The following MROH9 variants were observed in gnomAD, a reference collection of about 807,000 sequenced individuals.
MROH9 encodes maestro heat like repeat family member 9, also known as maestro heat-like repeat-containing protein family member 9.
In MROH9, 92 loss-of-function variants were observed where a neutral mutation model predicts 98.2. The ratio of observed to expected loss-of-function variants is 0.94; its 90% CI spans 0.79 to 1.11. The LOEUF (loss-of-function observed/expected upper bound fraction) is 1.11, where lower values mean the gene tolerates loss of function less well. Among genes scored for constraint, MROH9 ranks in the 50% most tolerant of loss-of-function variants. MROH9 has a pLI of 0.00. For missense variants in MROH9, 1,057 were observed against 1,014.8 expected (o/e 1.04, Z -0.57); for synonymous variants, 397 against 368.9 (o/e 1.08, Z -0.87).
Position 170,998,285 on chromosome 1 carries a change from T to G in MROH9, c.1596+11T>G. 6.2e-7 allele frequency: 1 copy of G among 1,613,496 alleles called. No individual in the cohort carries two copies. Among genetic ancestry groups the G allele is most frequent in the Non-Finnish European group, 8.5e-7 (1 of 1,179,668 alleles). On this transcript the variant is annotated intron_variant, in intron 15 of 21. Transcript: ENST00000367759. The stretch of plus-strand genomic sequence containing the variant: ...ATATTCCTCACTGAAGTGAGTTTTG[T>G]AGACTGTGAACAGCTGTGTTCTCAT...
chr1:171,051,425 C>T (rs1653660434), intron 20 of MROH9, among the ~76,000 whole-genome samples: 1 of 151,996 alleles, frequency 6.6e-6, no homozygotes, highest in African/African-American at 2.4e-5. Flanking sequence ...GGAATGAGAT[C>T]ATGTCCTTTG....
chr1:170,976,309 C>A (rs1182716066), intron 8 of MROH9, among the ~76,000 whole-genome samples: 1 of 152,100 alleles, frequency 6.6e-6, no homozygotes, highest in Non-Finnish European at 1.5e-5. Context: ...ATATTTAGTG[C>A]CCTTTTCAGG....
At chr1:171,000,227 C>G (rs28772894) in intron 15 of MROH9, among the ~76,000 whole-genome samples, 21,182 of 151,968 alleles carry the variant, frequency 0.14, 1,649 homozygotes, top group African/African-American at 0.21. Flanking sequence ...GTTGCATTTG[C>G]TTTTGGGTTC....
intron 17 of MROH9, among the ~76,000 whole-genome samples, chr1:171,022,801 A>G (rs921290097): frequency 6.6e-6 from 1 of 152,164 alleles, no homozygotes; most frequent in African/African-American, 2.4e-5. Flanking sequence ...TTGAACACTT[A>G]ATATATACCA....
At chr1:170,990,533 G>C (rs1651318677) in intron 11 of MROH9, among the ~76,000 whole-genome samples, 1 of 152,072 alleles carries the variant, frequency 6.6e-6, no homozygotes, top group Non-Finnish European at 1.5e-5. Context: ...ATACAAACGC[G>C]AGTCTATGGG....
At chr1:171,011,476 A>T (rs1210951345) in intron 15 of MROH9, among the ~76,000 whole-genome samples, 1 of 152,194 alleles carries the variant, frequency 6.6e-6, no homozygotes, top group Admixed American at 6.5e-5. Context: ...TATTTCAATG[A>T]TCTAGTTTTC....
intron 16 of MROH9, chr1:171,015,139 T>C (rs1469029696): frequency 4.4e-6 from 2 of 453,030 alleles, no homozygotes; most frequent in Non-Finnish European, 9.1e-6. Context: ...TCGTTGTTTA[T>C]CTAATGAGCA....
chr1:170,972,008 T>C (rs956779825), intron 8 of MROH9, 125 bp downstream of exon 8: 24 of 1,039,494 alleles, frequency 2.3e-5, no homozygotes, highest in Non-Finnish European at 3.3e-5. Flanking sequence ...GTCATGGCTA[T>C]ACTTTCTAAA....
chr1:170,972,326 A>T (rs967948316), intron 8 of MROH9, among the ~76,000 whole-genome samples: 1 of 152,242 alleles, frequency 6.6e-6, no homozygotes, highest in Non-Finnish European at 1.5e-5. Flanking sequence ...GCATAAAAGC[A>T]AGACCTGAAA....
intron 8 of MROH9, among the ~76,000 whole-genome samples, chr1:170,973,354 T>A (rs968920703): frequency 6.6e-6 from 1 of 152,072 alleles, no homozygotes. Context: ...AATTCACAAG[T>A]ACCGAGGTAC....
intron 7 of MROH9, among the ~76,000 whole-genome samples, chr1:170,967,644 C>A (rs1490189429): frequency 1.3e-5 from 2 of 152,080 alleles, no homozygotes; most frequent in Non-Finnish European, 2.9e-5. Context: ...AGATTCTTGT[C>A]CTATTGAACA....
At chr1:170,964,882 T>G (rs1362476240) in intron 6 of MROH9, among the ~76,000 whole-genome samples, 5 of 152,096 alleles carry the variant, frequency 3.3e-5, no homozygotes, top group African/African-American at 9.7e-5. Flanking sequence ...GAACTATTCA[T>G]GGTGCCTAAC....
At chr1:171,013,168 A>G (rs1652217035) in intron 15 of MROH9, among the ~76,000 whole-genome samples, 2 of 152,174 alleles carry the variant, frequency 1.3e-5, no homozygotes, top group African/African-American at 4.8e-5. Context: ...TTCATTCTAA[A>G]TTGAATCTAC....
At chr1:171,036,511 A>C (rs1441254729) in intron 20 of MROH9, among the ~76,000 whole-genome samples, 1 of 152,050 alleles carries the variant, frequency 6.6e-6, no homozygotes, top group Non-Finnish European at 1.5e-5. Context: ...AGTTGAGCAT[A>C]ATGTTCCTAT....
chr1:170,958,410 T>C (rs756059893), intron 3 of MROH9, 51 bp from the exon 4 acceptor site: 7 of 1,161,438 alleles, frequency 6.0e-6, no homozygotes, highest in Admixed American at 3.9e-5. Context: ...GTCTCACTGC[T>C]CTGTAATCAT....
intron 7 of MROH9, 49 bp from the exon 8 acceptor site, chr1:170,971,699 A>G: frequency 6.3e-7 from 1 of 1,597,746 alleles, no homozygotes; most frequent in Non-Finnish European, 8.6e-7. Flanking sequence ...AGACATTTTC[A>G]TATTGGCTAT....
chr1:170,970,348 C>T (rs1442065686), intron 7 of MROH9, among the ~76,000 whole-genome samples: 3 of 151,852 alleles, frequency 2.0e-5, no homozygotes, highest in Admixed American at 2.0e-4. Context: ...TTTTCTCATG[C>T]CCATACACAA....
chr1:171,008,135 A>G (rs774888446), intron 15 of MROH9, among the ~76,000 whole-genome samples: 4 of 152,208 alleles, frequency 2.6e-5, no homozygotes, highest in Non-Finnish European at 5.9e-5. Flanking sequence ...TTTCACTATT[A>G]AGACAGTTAA....
At chr1:171,026,917 G>A (rs1195324657) in intron 20 of MROH9, among the ~76,000 whole-genome samples, 1 of 152,016 alleles carries the variant, frequency 6.6e-6, no homozygotes, top group African/African-American at 2.4e-5. Context: ...AGCTTTCGAA[G>A]TACAAGGGGG....
Sources: allele counts gnomAD v4.1 joint callset (sites outside exome capture counted in the v4.1 genomes callset), GRCh38; gene constraint gnomAD v4.1.1; transcripts MANE v1.5; gene names NCBI Gene and HGNC (gene_info 2026-07-23, HGNC 2026-07-21).